The following DMD variants were observed in gnomAD, a reference collection of about 807,000 sequenced individuals.
DMD encodes dystrophin, also known as mutant dystrophin.
DMD carries 63 observed loss-of-function variants against 330.1 expected under a neutral mutation model. That is an observed-to-expected ratio of 0.19 (90% CI 0.16 to 0.24). The LOEUF (loss-of-function observed/expected upper bound fraction) is 0.24. Among genes scored for constraint, DMD ranks in the 10% least tolerant of loss-of-function variants. The pLI, the probability that DMD is intolerant of heterozygous loss-of-function variation, is 1.00. For synonymous variants in DMD, 1,223 were observed against 959.8 expected (o/e 1.27, Z -5.07); for missense variants, 3,344 against 2,684.1 (o/e 1.25, Z -5.43).
In DMD at chrX:31,510,799, A is replaced by G. The variant is rs538947895; in HGVS notation, c.8218-3346T>C. Among the ~76,000 whole-genome samples, 423 of 110,595 alleles carry G rather than the reference A, an allele frequency of 3.8e-3. 1 individual carries two copies. The highest frequency in any genetic ancestry group is 5.3e-3 in the African/African-American group (162 of 30,386). On this transcript the variant is annotated intron_variant, in intron 55 of 78. Coordinates refer to ENST00000357033, the MANE Select transcript of DMD (RefSeq NM_004006.3). ...GCTTGGATTACAGGCGTGAGCCACCACACCTGGCCCTGATTGCTCTTTTCA... is the reference window on the plus strand; with the variant it reads ...GCTTGGATTACAGGCGTGAGCCACCGCACCTGGCCCTGATTGCTCTTTTCA...
At chrX:31,423,963 CA>C (rs2063565359) in intron 60 of DMD, among the ~76,000 whole-genome samples, 1 of 111,141 alleles carries the variant, frequency 9.0e-6, no homozygotes, top group Non-Finnish European at 1.9e-5. Flanking sequence ...GTCCCTGCTT[CA>C]ATCAGAGAAG....
At chrX:33,006,932 C>A (rs1480436357) in intron 2 of DMD, among the ~76,000 whole-genome samples, 1 of 110,733 alleles carries the variant, frequency 9.0e-6, no homozygotes, top group African/African-American at 3.3e-5. Context: ...TCCACTCTCT[C>A]AATCTCCATT....
intron 7 of DMD, among the ~76,000 whole-genome samples, chrX:32,711,087 G>A (rs780792048): frequency 1.8e-5 from 2 of 111,748 alleles, no homozygotes; most frequent in African/African-American, 6.5e-5. Context: ...AAGGCTTTGC[G>A]TAGAATCTTA....
chrX:32,218,807 G>A (rs775336996), intron 43 of DMD, among the ~76,000 whole-genome samples: 3 of 111,570 alleles, frequency 2.7e-5, no homozygotes, highest in East Asian at 5.7e-4. Flanking sequence ...AGTAGAGAGA[G>A]GCTTCTAACC....
At chrX:32,486,610 G>T (rs2042498069) in intron 20 of DMD, among the ~76,000 whole-genome samples, 1 of 109,442 alleles carries the variant, frequency 9.1e-6, no homozygotes, top group Admixed American at 9.9e-5. Context: ...ATACTACAAG[G>T]CTACAGTAAC....
In DMD at chrX:32,484,946, G is replaced by C; in HGVS notation, c.2776C>G (p.Gln926Glu). The C allele has an allele frequency of 5.8e-6, 7 of 1,211,289 alleles. No homozygotes were observed. The highest frequency in any genetic ancestry group is 7.8e-6 in the Non-Finnish European group (7 of 895,277). Reference sequence around the variant, plus strand: ...GTCTGTAGCTCTTTCTCTCTGGCCTGCACATCAGAAAAGACTTGCTTAAAA... The same window carrying C: ...GTCTGTAGCTCTTTCTCTCTGGCCTCCACATCAGAAAAGACTTGCTTAAAA... ...NHFKQVFSDV[Q>E]AREKELQTIF... The change falls in exon 21 of 79, where the codon CAG becomes GAG. Residue 926 changes from glutamine (Q) to glutamate (E), a missense_variant. Transcript: ENST00000357033.
In DMD at chrX:32,808,780, T is replaced by C. The variant is rs775335313; in HGVS notation, c.649+713A>G. On this transcript the variant is annotated intron_variant, in intron 7 of 78. Transcript: ENST00000357033. ...TTAGAGTGTAGTAAAGCCTTGAGAA[T>C]TGAGAACAGAGGCTACCATTTCAAA... Among the ~76,000 whole-genome samples the C allele has an allele frequency of 5.4e-5, 6 of 112,012 alleles. No homozygotes were observed. The East Asian group carries it at 1.7e-3, about 31-fold the overall frequency.
At chrX:31,238,516 G>A (rs2047948276) in intron 63 of DMD, among the ~76,000 whole-genome samples, 1 of 111,938 alleles carries the variant, frequency 8.9e-6, no homozygotes, top group Non-Finnish European at 1.9e-5. Context: ...CATTCGCTGA[G>A]CACTCAAGGG....
intron 2 of DMD, among the ~76,000 whole-genome samples, chrX:32,971,032 G>A (rs991548713): frequency 9.1e-6 from 1 of 110,410 alleles, no homozygotes; most frequent in African/African-American, 3.3e-5. Context: ...CGCAATTTCG[G>A]CTCATGGCAA....
chrX:33,124,064 G>T lies in DMD; in HGVS notation c.31+87218C>A, dbSNP rs190731794. Among the ~76,000 whole-genome samples the T allele has an allele frequency of 1.2e-3, 135 of 110,464 alleles. 1 individual carries two copies. Among genetic ancestry groups the T allele is most frequent in the African/African-American group, 4.3e-3 (131 of 30,344 alleles). ...TGCTTATATCCCAGTTACTTGGGAG[G>T]CTGAGGCAGAAGAATTGCTTGAACC... On this transcript the variant is annotated intron_variant, in intron 1 of 78. Coordinates refer to ENST00000357033, the MANE Select transcript of DMD (RefSeq NM_004006.3).
intron 1 of DMD, among the ~76,000 whole-genome samples, chrX:33,041,064 C>T (rs1032309291): frequency 1.4e-4 from 16 of 112,541 alleles, no homozygotes; most frequent in African/African-American, 5.2e-4. Context: ...CAATAATCAA[C>T]TCAAAATGTT....
intron 44 of DMD, among the ~76,000 whole-genome samples, chrX:32,172,030 T>C (rs1038210298): frequency 2.7e-5 from 3 of 111,814 alleles, no homozygotes; most frequent in Admixed American, 1.9e-4. Flanking sequence ...TAAAGAAATA[T>C]AGATAGGATT....
At chrX:31,820,436 A>G (rs1028725997) in intron 49 of DMD, among the ~76,000 whole-genome samples, 1 of 112,224 alleles carries the variant, frequency 8.9e-6, no homozygotes, top group Non-Finnish European at 1.9e-5. Context: ...TTATCCAGAT[A>G]ACTTTAGGAA....
chrX:31,199,515 G>T (rs1203018528), intron 67 of DMD, among the ~76,000 whole-genome samples: 1 of 112,032 alleles, frequency 8.9e-6, no homozygotes, highest in East Asian at 2.8e-4. Flanking sequence ...TTTTAAATAA[G>T]CAAAATTTTA....
chrX:32,650,418 T>C (rs2060071786), intron 9 of DMD, among the ~76,000 whole-genome samples: 1 of 111,763 alleles, frequency 8.9e-6, no homozygotes. Context: ...TGGTGTATTC[T>C]ATAATCTTTT....
At chrX:31,565,511 G>T (rs1429436348) in intron 55 of DMD, among the ~76,000 whole-genome samples, 1 of 112,096 alleles carries the variant, frequency 8.9e-6, no homozygotes, top group East Asian at 2.8e-4. Flanking sequence ...TGCCTGGTAT[G>T]TATGGATGTA....
chrX:31,732,570 G>A (rs1239910663), intron 51 of DMD, among the ~76,000 whole-genome samples: 1 of 111,392 alleles, frequency 9.0e-6, no homozygotes, highest in Non-Finnish European at 1.9e-5. Context: ...CTTCAACTTA[G>A]TTTTATAATT....
At chrX:31,472,608 C>CA (rs1253885619) in intron 59 of DMD, among the ~76,000 whole-genome samples, 1 of 111,713 alleles carries the variant, frequency 9.0e-6, no homozygotes, top group Non-Finnish European at 1.9e-5. Context: ...ACAAATTTCT[C>CA]AAAAAAACCC....
intron 1 of DMD, among the ~76,000 whole-genome samples, chrX:33,149,420 T>C (rs918624497): frequency 1.8e-5 from 2 of 112,000 alleles, no homozygotes; most frequent in Non-Finnish European, 3.8e-5. Context: ...TAAATACAGA[T>C]GAAGCTTCAC....
Sources: gnomAD v4.1 joint callset for allele counts (sites outside exome capture counted in the v4.1 genomes callset) on GRCh38, gnomAD v4.1.1 for gene constraint, MANE v1.5 for transcripts, NCBI Gene and HGNC (gene_info 2026-07-23, HGNC 2026-07-21) for gene names.